Variants in ERMARD observed in about 807,000 individuals in gnomAD.
The protein encoded by ERMARD is ER membrane associated RNA degradation.
Under a neutral mutation model 83.9 loss-of-function variants are expected in ERMARD, and 71 were observed. That is an observed-to-expected ratio of 0.85 (90% CI 0.70 to 1.03). The LOEUF (loss-of-function observed/expected upper bound fraction) is 1.03, where lower values mean the gene tolerates loss of function less well. ERMARD is among the 50% of genes least tolerant of loss of function. ERMARD has a pLI of 0.00. For synonymous variants in ERMARD, 284 were observed against 298.6 expected (o/e 0.95, Z 0.50); for missense variants, 838 against 810.9 (o/e 1.03, Z -0.41).
chr6:169,755,943 T>A (rs1790760500), intron 3 of ERMARD, among the ~76,000 whole-genome samples: 1 of 152,228 alleles, frequency 6.6e-6, no homozygotes, highest in Non-Finnish European at 1.5e-5. Context: ...CTAATTCTGC[T>A]TTGAATTTGG....
At chr6:169,775,400 T>C in intron 14 of ERMARD, 54 bp downstream of exon 14, 2 of 1,568,212 alleles carry the variant, frequency 1.3e-6, no homozygotes, top group South Asian at 1.1e-5. Flanking sequence ...TACTATTAGT[T>C]TCAGCAGCAT....
At chr6:169,776,432 T>C (rs1433527055) in intron 15 of ERMARD, 23 bp from the exon 16 acceptor site, 1 of 1,607,948 alleles carries the variant, frequency 6.2e-7, no homozygotes, top group Admixed American at 1.7e-5. Context: ...TGATGCCTGC[T>C]CCAAGTCTGG....
chr6:169,779,140 C>G (rs1455140065), intron 16 of ERMARD, 42 bp from the exon 17 acceptor site: 3 of 1,520,058 alleles, frequency 2.0e-6, no homozygotes, highest in Admixed American at 1.7e-5. Context: ...TGGAAAATAC[C>G]AACATATCCT....
At position 169,781,574 on chromosome 6, in the gene ERMARD, C is replaced by A; in HGVS notation, c.*61C>A. 6.8e-7 allele frequency: 1 copy of A among 1,467,574 alleles called. No homozygotes were observed. Among genetic ancestry groups the A allele is most frequent in the Non-Finnish European group, 9.1e-7 (1 of 1,094,668 alleles). 90.9% of individuals were successfully genotyped at this position (1,467,574 alleles called of 1,614,324 possible). On this transcript the variant is annotated 3_prime_UTR_variant, in exon 18 of 18. Transcript: ENST00000366773. ...ATTTTAACAGCGTGTAAATTAAAAA[C>A]CCAAAGACAGGGTGGAGTTGAGGGT... is the stretch of plus-strand genomic sequence containing the variant.
intron 8 of ERMARD, 110 bp from the exon 9 acceptor site, chr6:169,762,319 C>T: frequency 1.0e-6 from 1 of 970,006 alleles, no homozygotes; most frequent in Admixed American, 2.2e-5. Context: ...AAGCGATCCT[C>T]CCACCTTGGC....
At chr6:169,757,355 C>T (rs1040001637) in intron 5 of ERMARD, among the ~76,000 whole-genome samples, 2 of 152,136 alleles carry the variant, frequency 1.3e-5, no homozygotes, top group Non-Finnish European at 2.9e-5. Context: ...TTTCCTATCC[C>T]GAGTGTGAAT....
intron 3 of ERMARD, chr6:169,755,640 T>C (rs1409147328): frequency 3.7e-5 from 20 of 545,006 alleles, no homozygotes; most frequent in Non-Finnish European, 5.1e-5. Flanking sequence ...GAATTCATTA[T>C]CACAGGATTA....
chr6:169,755,548 T>C, intron 3 of ERMARD, 126 bp downstream of exon 3: 7 of 1,221,730 alleles, frequency 5.7e-6, no homozygotes, highest in Non-Finnish European at 7.9e-6. Context: ...GTGTTGAGGG[T>C]TGTAAGAGAA....
chr6:169,765,059 G>A (rs114227890), intron 9 of ERMARD, among the ~76,000 whole-genome samples: 300 of 152,344 alleles, frequency 2.0e-3, no homozygotes, highest in African/African-American at 6.6e-3. Context: ...CACTCAGCGC[G>A]GTGTGGAGCG....
At chr6:169,760,845 G>C (rs1437234327) in intron 8 of ERMARD, 89 bp downstream of exon 8, 1 of 896,970 alleles carries the variant, frequency 1.1e-6, no homozygotes, top group Non-Finnish European at 1.7e-6. Context: ...TTTTGCTGTT[G>C]GAGTAGAAGT....
chr6:169,751,357 G>A (rs781636684), upstream of ERMARD: 82 of 1,614,084 alleles, frequency 5.1e-5, 1 homozygote, highest in Middle Eastern at 0.012. Context: ...TCTCGAACAT[G>A]CTAGGCCTCC....
chr6:169,779,027 G>A (rs893594889), intron 16 of ERMARD, among the ~76,000 whole-genome samples, 155 bp from the exon 17 acceptor site: 2 of 152,252 alleles, frequency 1.3e-5, no homozygotes, highest in African/African-American at 4.8e-5. Flanking sequence ...CGGGCCTCGG[G>A]GCTGGAAGCA....
At chr6:169,771,225 GGCGC>G (rs1792878100) in intron 12 of ERMARD, 1 of 152,176 alleles carries the variant, frequency 6.6e-6, no homozygotes, top group Admixed American at 6.5e-5. Context: ...TGGGATTACA[GGCGC>G]CCGCCACCAC....
rs1563018612 is a variant in ERMARD at position 169,762,506 on chromosome 6, GTCCAAAAAGAC to G, written c.939_949del (p.Lys314AspfsTer3). On this transcript the variant is annotated frameshift_variant, in exon 9 of 18. Coordinates refer to ENST00000366773, the MANE Select transcript of ERMARD (RefSeq NM_018341.3). LOFTEE classifies it high-confidence loss of function. ...AATGTTTTTGCCACACTTAACAGAT[GTCCAAAAAGAC>G]TCCTGACTGCTGAGGTAAGCTTGTT... 6.2e-7 allele frequency: 1 copy of G among 1,614,030 alleles called. No homozygotes were observed. The highest frequency in any genetic ancestry group is 2.2e-5 in the East Asian group (1 of 44,878).
chr6:169,776,816 A>G, intron 16 of ERMARD, 143 bp downstream of exon 16: 1 of 986,942 alleles, frequency 1.0e-6, no homozygotes, highest in East Asian at 2.6e-5. Flanking sequence ...GGAGTCCACA[A>G]CTGAGTGTGA....
chr6:169,762,272 A>G (rs1791644587), intron 8 of ERMARD, among the ~76,000 whole-genome samples, 157 bp from the exon 9 acceptor site: 1 of 151,932 alleles, frequency 6.6e-6, no homozygotes, highest in African/African-American at 2.4e-5. Context: ...TTTTGTAGAG[A>G]TGGGGTTTCC....
intron 2 of ERMARD, among the ~76,000 whole-genome samples, chr6:169,754,731 G>A (rs573723378): frequency 1.3e-5 from 2 of 151,922 alleles, no homozygotes; most frequent in South Asian, 4.2e-4. Context: ...GAATAGGAGG[G>A]GCATGTATTT....
intron 5 of ERMARD, among the ~76,000 whole-genome samples, chr6:169,757,929 G>C (rs1179789075): frequency 6.6e-6 from 1 of 152,102 alleles, no homozygotes; most frequent in Non-Finnish European, 1.5e-5. Context: ...ATATGTGATG[G>C]GCCTTCTGCC....
rs143351214 is a variant in ERMARD, at chr6:169,773,331, G to A, written c.1246G>A (p.Val416Ile). Reference sequence around the variant, plus strand: ...TTCTCTGCACTAGGAAAAATCAGCCGTAGAATTGTTGATTAGTCTTGCAGA... The same window carrying A: ...TTCTCTGCACTAGGAAAAATCAGCCATAGAATTGTTGATTAGTCTTGCAGA... ...LLSVFKEKSA[V>I]ELLISLAEGY... is the part of the protein sequence containing the mutation. Residue 416 changes from valine (V) to isoleucine (I), a missense_variant, in exon 13 of 18, where the codon GTA (valine) becomes ATA (isoleucine). Coordinates refer to ENST00000366773, the MANE Select transcript of ERMARD (RefSeq NM_018341.3). 2,369 of 1,614,020 alleles carry A rather than the reference G, an allele frequency of 1.5e-3. 3 individuals carry two copies. The highest frequency in any genetic ancestry group is 1.6e-3 in the South Asian group (149 of 91,050).
Sources: allele counts gnomAD v4.1 joint callset (sites outside exome capture counted in the v4.1 genomes callset), GRCh38; gene constraint gnomAD v4.1.1; transcripts MANE v1.5; gene names NCBI Gene and HGNC (gene_info 2026-07-23, HGNC 2026-07-21).